SPOCK1: variants seen among roughly 807,000 people sequenced by gnomAD.
SPOCK1 encodes testican-1.
Under a neutral mutation model 55.3 loss-of-function variants are expected in SPOCK1, and 23 were observed. The ratio of observed to expected loss-of-function variants is 0.42; its 90% CI spans 0.30 to 0.59. The LOEUF (loss-of-function observed/expected upper bound fraction) is 0.59, where lower values mean the gene tolerates loss of function less well. SPOCK1 is among the 20% of genes least tolerant of loss of function. The pLI is 0.22. For missense variants in SPOCK1, 499 were observed against 552.5 expected, an observed-to-expected ratio of 0.90 and a Z score of 0.97; for synonymous variants, 226 against 221.0, an observed-to-expected ratio of 1.02 and a Z score of -0.20.
chr5:137,287,513 G>A (rs1450531121), intron 2 of SPOCK1, among the ~76,000 whole-genome samples: 2 of 152,356 alleles, frequency 1.3e-5, no homozygotes, highest in Non-Finnish European at 2.9e-5. Context: ...TGAGATTGCA[G>A]AGGGCAAAAA....
chr5:137,429,603 T>A (rs555478047), intron 2 of SPOCK1, among the ~76,000 whole-genome samples: 2 of 152,332 alleles, frequency 1.3e-5, no homozygotes, highest in African/African-American at 4.8e-5. Flanking sequence ...ACATTCAGCA[T>A]GCCCACATGA....
At chr5:137,094,548 A>G (rs1407775481) in intron 5 of SPOCK1, among the ~76,000 whole-genome samples, 1 of 152,220 alleles carries the variant, frequency 6.6e-6, no homozygotes, top group African/African-American at 2.4e-5. Flanking sequence ...AAAATAATGT[A>G]CATGCCTTGA....
chr5:137,498,281 C>T, intron 2 of SPOCK1, 92 bp downstream of exon 2: 1 of 1,252,128 alleles, frequency 8.0e-7, no homozygotes, highest in Admixed American at 3.1e-5. Flanking sequence ...CACACACACA[C>T]ACACACACAC....
At chr5:137,178,914 A>C (rs949215843) in intron 3 of SPOCK1, among the ~76,000 whole-genome samples, 3 of 152,242 alleles carry the variant, frequency 2.0e-5, no homozygotes, top group African/African-American at 7.2e-5. Flanking sequence ...TAAATGGCTA[A>C]GAATCCCTCC....
chr5:137,404,755 A>C (rs1371121362), intron 2 of SPOCK1, among the ~76,000 whole-genome samples: 2 of 152,082 alleles, frequency 1.3e-5, no homozygotes, highest in African/African-American at 2.4e-5. Flanking sequence ...CAGGCCAAAC[A>C]AACCACATCA....
At chr5:137,039,251 T>TGCCTTTCTGCC (rs1002159053) in intron 6 of SPOCK1, among the ~76,000 whole-genome samples, 9 of 148,436 alleles carry the variant, frequency 6.1e-5, no homozygotes, top group Middle Eastern at 3.6e-3. Flanking sequence ...TTTATCACTC[T>TGCCTTTCTGCC]GCCTTTCTGC....
chr5:137,076,504 C>T (rs1166207004), intron 5 of SPOCK1, among the ~76,000 whole-genome samples: 1 of 150,820 alleles, frequency 6.6e-6, no homozygotes, highest in African/African-American at 2.4e-5. Context: ...GTACTCAGAA[C>T]ACTCACATTA....
intron 3 of SPOCK1, among the ~76,000 whole-genome samples, chr5:137,224,653 C>G (rs970046990): frequency 6.6e-6 from 1 of 152,200 alleles, no homozygotes; most frequent in African/African-American, 2.4e-5. Context: ...AAAACAGAAA[C>G]CTCATACACA....
intron 6 of SPOCK1, among the ~76,000 whole-genome samples, chr5:137,043,232 T>C (rs1046208191): frequency 1.3e-5 from 2 of 152,210 alleles, no homozygotes; most frequent in Admixed American, 1.3e-4. Context: ...ATTGGATTAA[T>C]AGTTAGTATT....
At chr5:137,129,266 C>T (rs1352679685) in intron 4 of SPOCK1, among the ~76,000 whole-genome samples, 1 of 152,206 alleles carries the variant, frequency 6.6e-6, no homozygotes, top group African/African-American at 2.4e-5. Flanking sequence ...AGGGCCTTTG[C>T]AGAGGCTGTT....
chr5:137,417,709 T>G (rs1752370325), intron 2 of SPOCK1, among the ~76,000 whole-genome samples: 2 of 152,222 alleles, frequency 1.3e-5, no homozygotes, highest in South Asian at 4.1e-4. Context: ...CTTATGCATA[T>G]CTCAAAAATT....
chr5:137,137,782 G>A (rs1471182893), intron 4 of SPOCK1, among the ~76,000 whole-genome samples: 4 of 152,208 alleles, frequency 2.6e-5, no homozygotes, highest in Non-Finnish European at 5.9e-5. Context: ...TAGGGACCAA[G>A]GCACCTGTAG....
chr5:137,393,004 G>A (rs1321940278), intron 2 of SPOCK1, among the ~76,000 whole-genome samples: 1 of 152,050 alleles, frequency 6.6e-6, no homozygotes, highest in Non-Finnish European at 1.5e-5. Flanking sequence ...TAGAAAATGG[G>A]CAGACCCAGC....
At chr5:137,219,675 C>A (rs1227010250) in intron 3 of SPOCK1, among the ~76,000 whole-genome samples, 1 of 152,188 alleles carries the variant, frequency 6.6e-6, no homozygotes, top group African/African-American at 2.4e-5. Context: ...TGGCATAGTG[C>A]CTTTGCCCAA....
intron 2 of SPOCK1, among the ~76,000 whole-genome samples, chr5:137,468,560 T>C (rs1753669321): frequency 6.6e-6 from 1 of 152,220 alleles, no homozygotes; most frequent in African/African-American, 2.4e-5. Context: ...GCCAACATTG[T>C]AATCCTATTG....
chr5:137,215,630 A>T (rs1163519497), intron 3 of SPOCK1, among the ~76,000 whole-genome samples: 1 of 152,224 alleles, frequency 6.6e-6, no homozygotes, highest in East Asian at 1.9e-4. Flanking sequence ...AAGACTTCAA[A>T]GAAATTTAAG....
chr5:137,489,524 G>A (rs559629880), intron 2 of SPOCK1, among the ~76,000 whole-genome samples: 1 of 152,256 alleles, frequency 6.6e-6, no homozygotes, highest in South Asian at 2.1e-4. Context: ...ATTAAGTGGG[G>A]GACCAGAGTG....
chr5:137,014,265 C>T (rs1561579760), intron 6 of SPOCK1, among the ~76,000 whole-genome samples: 2 of 152,248 alleles, frequency 1.3e-5, no homozygotes, highest in East Asian at 3.9e-4. Context: ...TGAGGTCTCC[C>T]CAGAAGCACT....
intron 3 of SPOCK1, among the ~76,000 whole-genome samples, chr5:137,157,336 A>G (rs1194339472): frequency 6.6e-6 from 1 of 152,232 alleles, no homozygotes. Context: ...AAACAACATG[A>G]TAACTTCTTT....
Sources: gnomAD v4.1 joint callset for allele counts (sites outside exome capture counted in the v4.1 genomes callset) on GRCh38, gnomAD v4.1.1 for gene constraint, MANE v1.5 for transcripts, NCBI Gene and HGNC (gene_info 2026-07-23, HGNC 2026-07-21) for gene names.